Variants in FTO observed in about 807,000 individuals in gnomAD.
FTO encodes the protein alpha-ketoglutarate-dependent dioxygenase FTO.
FTO carries 47 observed loss-of-function variants against 63.9 expected under a neutral mutation model. That is an observed-to-expected ratio of 0.74 (90% CI 0.58 to 0.94). The LOEUF is 0.94. Ranked by LOEUF, FTO falls within the 40% of genes least tolerant of loss-of-function variation. FTO has a pLI of 0.00. For missense variants in FTO, 562 were observed against 618.1 expected, an observed-to-expected ratio of 0.91 and a Z score of 0.96; for synonymous variants, 207 against 224.4, an observed-to-expected ratio of 0.92 and a Z score of 0.69.
chr16:53,704,734 G>A (rs899587061), intron 1 of FTO, among the ~76,000 whole-genome samples: 8 of 152,342 alleles, frequency 5.3e-5, no homozygotes, highest in Admixed American at 2.6e-4. Flanking sequence ...TTGATGTTCA[G>A]CTTCTGGTAG....
At chr16:53,742,971 G>A (rs2076561060) in intron 1 of FTO, among the ~76,000 whole-genome samples, 1 of 152,100 alleles carries the variant, frequency 6.6e-6, no homozygotes, top group Non-Finnish European at 1.5e-5. Flanking sequence ...GATTACTCCA[G>A]TGTGCCTTAA....
intron 7 of FTO, among the ~76,000 whole-genome samples, chr16:53,891,312 A>G (rs910639400): frequency 4.6e-5 from 7 of 150,682 alleles, no homozygotes; most frequent in Non-Finnish European, 1.5e-5. Flanking sequence ...TTTTTTAAAA[A>G]CCAAATTAAA....
At position 54,111,991 on chromosome 16, in the gene FTO, G is replaced by C; in HGVS notation, c.*76G>C. Reference sequence around the variant, plus strand: ...CCAACGTTGTCATGGGCTTAAGCAAGAGCAGTGGAGACTTCTCTTGGCCCC... The same window carrying C: ...CCAACGTTGTCATGGGCTTAAGCAACAGCAGTGGAGACTTCTCTTGGCCCC... On this transcript the variant is annotated 3_prime_UTR_variant, in exon 9 of 9. Coordinates refer to ENST00000471389, the MANE Select transcript of FTO (RefSeq NM_001080432.3). The C allele has an allele frequency of 6.5e-7, 1 of 1,531,466 alleles. No homozygotes were observed. The highest frequency in any genetic ancestry group is 9.0e-7 in the Non-Finnish European group (1 of 1,107,468). The allele number at this position is 1,531,466 out of a possible 1,614,324, so 94.9% of individuals were successfully genotyped here.
chr16:54,079,058 C>G (rs908409643), intron 8 of FTO, among the ~76,000 whole-genome samples: 1 of 151,868 alleles, frequency 6.6e-6, no homozygotes, highest in Admixed American at 6.6e-5. Flanking sequence ...TGTTTTTTAA[C>G]AATTAATTTG....
intron 8 of FTO, among the ~76,000 whole-genome samples, chr16:54,008,150 C>T (rs1289195745): frequency 5.9e-5 from 9 of 152,124 alleles, no homozygotes; most frequent in Non-Finnish European, 1.3e-4. Flanking sequence ...ATGTAGGTTC[C>T]AACTCCTTCC....
chr16:54,026,181 C>T (rs2084711793), intron 8 of FTO, among the ~76,000 whole-genome samples: 1 of 152,270 alleles, frequency 6.6e-6, no homozygotes, highest in African/African-American at 2.4e-5. Flanking sequence ...AAGAAGTTCA[C>T]AAAGAACAGG....
intron 1 of FTO, among the ~76,000 whole-genome samples, chr16:53,805,979 C>G (rs1238688378): frequency 6.6e-6 from 1 of 152,142 alleles, no homozygotes; most frequent in African/African-American, 2.4e-5. Context: ...CAGGGCCCAG[C>G]TGTGTGGATT....
intron 5 of FTO, 149 bp from the exon 6 acceptor site, chr16:53,879,695 A>T (rs2080769114): frequency 1.3e-5 from 8 of 603,478 alleles, no homozygotes; most frequent in East Asian, 4.4e-5. Context: ...CAAAATTAAA[A>T]AAAAAAAAAA....
At chr16:53,794,101 G>A (rs953935260) in intron 1 of FTO, among the ~76,000 whole-genome samples, 16 of 152,176 alleles carry the variant, frequency 1.1e-4, no homozygotes, top group African/African-American at 3.9e-4. Flanking sequence ...GAAGAACTGG[G>A]TATTATTTGT....
In FTO at chr16:54,112,534, A is replaced by G. The variant is rs149440289; in HGVS notation, c.*619A>G. ...ATCGAAGAAAGTCCTATTGGACAAC[A>G]CTTCTATAAAAAGTTTGAGAGCAGG... On this transcript the variant is annotated 3_prime_UTR_variant, in exon 9 of 9. Transcript: ENST00000471389. 1 of 152,466 alleles carries G rather than the reference A, an allele frequency of 6.6e-6. No homozygotes were observed. The highest frequency in any genetic ancestry group is 1.5e-5 in the Non-Finnish European group (1 of 68,236). The allele number at this position is 152,466 out of a possible 1,614,324, so 9.4% of individuals were successfully genotyped here. A position where few individuals can be genotyped will look rare whatever the true frequency, so the allele number is the denominator to read the frequency against.
At chr16:53,931,325 A>G (rs2082278080) in intron 7 of FTO, among the ~76,000 whole-genome samples, 2 of 137,264 alleles carry the variant, frequency 1.5e-5, no homozygotes, top group Admixed American at 1.5e-4. Flanking sequence ...TTTTTTTTTA[A>G]GACAGAGGTT....
chr16:53,994,652 C>T (rs2083893771), intron 8 of FTO, among the ~76,000 whole-genome samples: 2 of 152,030 alleles, frequency 1.3e-5, no homozygotes, highest in South Asian at 4.1e-4. Flanking sequence ...TGTGAGCCAC[C>T]AGGCCTGGCC....
At chr16:53,828,593 C>G (rs546408165) in intron 3 of FTO, among the ~76,000 whole-genome samples, 2 of 152,344 alleles carry the variant, frequency 1.3e-5, no homozygotes, top group Admixed American at 1.3e-4. Context: ...TGAGCACCTA[C>G]TACGTGCTAC....
At chr16:53,742,082 G>T (rs185576776) in intron 1 of FTO, among the ~76,000 whole-genome samples, 12 of 152,204 alleles carry the variant, frequency 7.9e-5, no homozygotes, top group African/African-American at 2.9e-4. Flanking sequence ...ACCTACTCTG[G>T]GAAGTAATAT....
chr16:53,819,563 TTAA>T lies in FTO; in HGVS notation c.124-6299_124-6297del, dbSNP rs1047910983. On this transcript the variant is annotated intron_variant, in intron 2 of 8. Transcript: ENST00000471389. ...TATTTAAATTTTTAATGGTTCTGCA[TTAA>T]TGTTTCTGCATTCCTGCCATATAGG... Among the ~76,000 whole-genome samples the T allele has an allele frequency of 1.4e-4, 21 of 152,342 alleles. No homozygotes were observed. In the East Asian group the frequency reaches 1.5e-3, roughly 11 times the overall value.
chr16:54,004,206 G>A (rs1047485889), intron 8 of FTO, among the ~76,000 whole-genome samples: 88 of 152,130 alleles, frequency 5.8e-4, no homozygotes, highest in South Asian at 2.1e-4. Context: ...AGCATGGTAC[G>A]TCTTTAGGGA....
intron 8 of FTO, among the ~76,000 whole-genome samples, chr16:53,942,193 C>T (rs2082545796): frequency 6.6e-6 from 1 of 152,158 alleles, no homozygotes; most frequent in Non-Finnish European, 1.5e-5. Flanking sequence ...ATTCATCTAA[C>T]CTTGCCAGGG....
At position 54,010,512 on chromosome 16, in the gene FTO, C is replaced by A. The variant is rs887163029; in HGVS notation, c.1364+76403C>A. On this transcript the variant is annotated intron_variant, in intron 8 of 8. Transcript: ENST00000471389. ...ATGTATATGGGAAATCAATATGGCACCCTCAAACCTAGTTGTAATAGTCAG... is the reference window on the plus strand; with the variant it reads ...ATGTATATGGGAAATCAATATGGCAACCTCAAACCTAGTTGTAATAGTCAG... 1.6e-4 allele frequency among the ~76,000 whole-genome samples: 25 copies of A among 152,210 alleles called. No homozygotes were observed. The East Asian group carries it at 4.0e-3, about 25-fold the overall frequency.
At chr16:53,968,975 A>G (rs2083257133) in intron 8 of FTO, among the ~76,000 whole-genome samples, 1 of 152,176 alleles carries the variant, frequency 6.6e-6, no homozygotes, top group African/African-American at 2.4e-5. Flanking sequence ...TCACAACTAC[A>G]CTATGGGGCA....
Sources: allele counts gnomAD v4.1 joint callset (sites outside exome capture counted in the v4.1 genomes callset), GRCh38; gene constraint gnomAD v4.1.1; transcripts MANE v1.5; gene names NCBI Gene and HGNC (gene_info 2026-07-23, HGNC 2026-07-21).